LARP1B: variants seen among roughly 807,000 people sequenced by gnomAD.
The protein encoded by LARP1B is la-related protein 1B.
Under a neutral mutation model 114.2 loss-of-function variants are expected in LARP1B, and 76 were observed. That is an observed-to-expected ratio of 0.67 (90% CI 0.55 to 0.81). LARP1B has a LOEUF of 0.81. Ranked by LOEUF, LARP1B falls within the 30% of genes least tolerant of loss-of-function variation. The pLI is 0.00. For missense variants in LARP1B, 1,014 were observed against 1,075.8 expected, an observed-to-expected ratio of 0.94 and a Z score of 0.80; for synonymous variants, 345 against 348.0, an observed-to-expected ratio of 0.99 and a Z score of 0.10.
chr4:128,222,237 A>G (rs981231317), intron 7 of LARP1B: 1 of 441,082 alleles, frequency 2.3e-6, no homozygotes, highest in Non-Finnish European at 4.6e-6. Flanking sequence ...ACCTTGACCA[A>G]GTGACAAGAG....
chr4:128,129,327 C>T lies in LARP1B; in HGVS notation c.1524+7139C>T, dbSNP rs559973404. ...CCGAGGTCACACACTGCAGCCTGGG[C>T]GACAGAGCAAGACTCCGTCTCAAAA... On this transcript the variant is annotated intron_variant, in intron 11 of 19. Coordinates refer to ENST00000326639, the MANE Select transcript of LARP1B (RefSeq NM_018078.4). Among the ~76,000 whole-genome samples the T allele has an allele frequency of 2.3e-3, 300 of 129,588 alleles. 1 individual carries two copies. The highest frequency in any genetic ancestry group is 7.0e-3 in the African/African-American group (242 of 34,726). 85.0% of individuals were successfully genotyped at this position (129,588 alleles called of 152,430 possible).
At chr4:128,097,456 C>T (rs570148594) in intron 7 of LARP1B, among the ~76,000 whole-genome samples, 21 of 152,024 alleles carry the variant, frequency 1.4e-4, no homozygotes, top group East Asian at 9.7e-4. Context: ...TACAGGCATG[C>T]GCTACCACAC....
Position 128,075,011 on chromosome 4 carries a change from G to T in LARP1B, c.42+18G>T. 7.0e-6 allele frequency: 9 copies of T among 1,291,560 alleles called. No homozygotes were observed. Among genetic ancestry groups the T allele is most frequent in the South Asian group, 1.5e-5 (1 of 68,856 alleles). The allele number at this position is 1,291,560 out of a possible 1,614,324, so 80.0% of individuals were successfully genotyped here. A position where few individuals can be genotyped will look rare whatever the true frequency, so the allele number is the denominator to read the frequency against. ...ACACTGGAGTGAGTATTGTTTTAAAGTTTTTTTTTTTAAAGAAAGGAAAAT... is the reference window on the plus strand; with the variant it reads ...ACACTGGAGTGAGTATTGTTTTAAATTTTTTTTTTTTAAAGAAAGGAAAAT... On this transcript the variant is annotated intron_variant, in intron 3 of 19. Transcript: ENST00000326639.
At chr4:128,070,836 G>T (rs976493103) in intron 1 of LARP1B, among the ~76,000 whole-genome samples, 20 of 151,406 alleles carry the variant, frequency 1.3e-4, no homozygotes, top group Admixed American at 6.6e-5. Flanking sequence ...CCTAAATATG[G>T]CTGACATAGT....
chr4:128,146,557 A>G lies in LARP1B; in HGVS notation c.1525-15637A>G, dbSNP rs914767864. On this transcript the variant is annotated intron_variant, in intron 11 of 19. Coordinates refer to ENST00000326639, the MANE Select transcript of LARP1B (RefSeq NM_018078.4). ...GAAATGAAATATATTGCATAGGGAA[A>G]CTTTCAAAGGTAATAAATGAAAGAA... is the stretch of plus-strand genomic sequence containing the variant. Among the ~76,000 whole-genome samples the G allele has an allele frequency of 7.2e-5, 11 of 152,278 alleles. No individual in the cohort carries two copies. The South Asian group carries it at 1.9e-3, about 26-fold the overall frequency.
chr4:128,075,813 C>CT (rs1407724621), intron 3 of LARP1B, among the ~76,000 whole-genome samples: 1 of 152,128 alleles, frequency 6.6e-6, no homozygotes, highest in African/African-American at 2.4e-5. Context: ...TCCCAAAGTG[C>CT]TGGGATTATA....
intron 9 of LARP1B, among the ~76,000 whole-genome samples, chr4:128,111,304 C>T (rs757364553): frequency 6.6e-6 from 1 of 152,106 alleles, no homozygotes; most frequent in Non-Finnish European, 1.5e-5. Flanking sequence ...GTCTCGGCCC[C>T]CCAAAGTGCT....
intron 5 of LARP1B, among the ~76,000 whole-genome samples, chr4:128,083,243 G>A (rs1331912778): frequency 2.0e-5 from 3 of 152,106 alleles, no homozygotes; most frequent in South Asian, 2.1e-4. Flanking sequence ...GCAACCATCC[G>A]ATTTCTCAAT....
In LARP1B at chr4:128,207,356, T is replaced by G. The variant is rs1757888595; in HGVS notation, c.2520T>G (p.Phe840Leu). The change falls in exon 19 of 20, where the codon TTT (phenylalanine) becomes TTG (leucine). Residue 840 changes from phenylalanine to leucine, a missense_variant. Phe to Leu is a conservative substitution (Grantham distance 22, BLOSUM62 0). Coordinates refer to ENST00000326639, the MANE Select transcript of LARP1B (RefSeq NM_018078.4). ...DPKLQEYLCS[F>L]KRLEDFRVDP... ...AACTTCAGGAATACCTCTGTAGTTT[T>G]AAGAGGTTAGAAGACTTCCGTGTTG... The G allele has an allele frequency of 6.5e-7, 1 of 1,547,576 alleles. No homozygotes were observed. The highest frequency in any genetic ancestry group is 1.3e-5 in the South Asian group (1 of 77,856).
At chr4:128,110,728 T>A (rs978996915) in intron 9 of LARP1B, among the ~76,000 whole-genome samples, 6 of 148,282 alleles carry the variant, frequency 4.0e-5, no homozygotes, top group African/African-American at 1.5e-4. Flanking sequence ...ATATGTAAAT[T>A]AATTATGAGG....
chr4:128,133,999 A>T (rs1435907554), intron 11 of LARP1B, among the ~76,000 whole-genome samples: 2 of 139,080 alleles, frequency 1.4e-5, no homozygotes, highest in Admixed American at 7.3e-5. Flanking sequence ...GCCCAGCCCA[A>T]TTTTTTTTTT....
At chr4:128,073,589 T>G (rs866681127) in intron 1 of LARP1B, among the ~76,000 whole-genome samples, 746 of 38,252 alleles carry the variant, frequency 0.02, 1 homozygote, top group Non-Finnish European at 0.023. Flanking sequence ...TTTTTTTTTT[T>G]TTTTTTTTTT....
In LARP1B at chr4:128,133,417, T is replaced by C. The variant is rs548231352; in HGVS notation, c.1524+11229T>C. 2.1e-4 allele frequency among the ~76,000 whole-genome samples: 32 copies of C among 152,354 alleles called. No homozygotes were observed. The South Asian group carries it at 6.4e-3, about 31-fold the overall frequency. On this transcript the variant is annotated intron_variant, in intron 11 of 19. Transcript: ENST00000326639. Reference sequence around the variant, plus strand: ...CATGGATGACTTAATATTATTAACATGTCAGTACTATCCAAAGTATCTACA... The same window carrying C: ...CATGGATGACTTAATATTATTAACACGTCAGTACTATCCAAAGTATCTACA...
intron 11 of LARP1B, chr4:128,122,890 A>G: frequency 6.0e-6 from 6 of 999,582 alleles, no homozygotes; most frequent in Non-Finnish European, 4.8e-6. Flanking sequence ...TATGAATTAT[A>G]ATGGTACAGA....
chr4:128,197,157 TATTA>T (rs1314689805), intron 15 of LARP1B, among the ~76,000 whole-genome samples: 2 of 152,208 alleles, frequency 1.3e-5, no homozygotes, highest in Non-Finnish European at 2.9e-5. Context: ...ATTTAATGCC[TATTA>T]ATTATACACT....
chr4:128,123,721 A>G, intron 11 of LARP1B: 2 of 974,686 alleles, frequency 2.1e-6, no homozygotes, highest in Non-Finnish European at 2.4e-6. Context: ...AAAGGAACCC[A>G]ACCATTGTGT....
upstream of LARP1B, chr4:128,061,208 C>A (rs989178355): frequency 6.6e-6 from 1 of 152,020 alleles, no homozygotes; most frequent in Admixed American, 6.5e-5. Context: ...GCGGGAGGCC[C>A]GGCGAGAGAA....
chr4:128,105,885 C>A (rs572930855), intron 8 of LARP1B, among the ~76,000 whole-genome samples: 1 of 151,802 alleles, frequency 6.6e-6, no homozygotes, highest in Admixed American at 6.6e-5. Flanking sequence ...AGTGAGACTC[C>A]GTCTCAAAAA....
At position 128,206,428 on chromosome 4, in the gene LARP1B, G is replaced by C; in HGVS notation, c.2310G>C (p.Arg770Ser). The C allele has an allele frequency of 6.4e-7, 1 of 1,565,412 alleles. No homozygotes were observed. The highest frequency in any genetic ancestry group is 1.2e-5 in the South Asian group (1 of 84,174). ...TAAACCTTTTATTTTCTCTTTATAG[G>C]TATGGGTTAGAATGTCTGTTCAGGT... ...LAWEDAKENY[R>S]YGLECLFRFY... The change falls in exon 18 of 20, where the codon AGG becomes AGC. Residue 770 changes from arginine (R) to serine (S), a missense_variant and splice_region_variant. Coordinates refer to ENST00000326639, the MANE Select transcript of LARP1B (RefSeq NM_018078.4).
Sources: allele counts gnomAD v4.1 joint callset (sites outside exome capture counted in the v4.1 genomes callset), GRCh38; gene constraint gnomAD v4.1.1; transcripts MANE v1.5; gene names NCBI Gene and HGNC (gene_info 2026-07-23, HGNC 2026-07-21).